GAREM1: variants seen among roughly 807,000 people sequenced by gnomAD.
GAREM1 encodes the protein GRB2-associated and regulator of MAPK protein 1.
In GAREM1, 26 loss-of-function variants were observed where a neutral mutation model predicts 71.3. The observed-to-expected ratio is 0.36, with a 90% confidence interval of 0.27 to 0.51. The LOEUF (loss-of-function observed/expected upper bound fraction) is 0.51. Ranked by LOEUF, GAREM1 falls within the 20% of genes least tolerant of loss-of-function variation. GAREM1 has a pLI of 0.95. For synonymous variants in GAREM1, 440 were observed against 433.2 expected, an observed-to-expected ratio of 1.02 and a Z score of -0.20; for missense variants, 1,026 against 1,103.1, an observed-to-expected ratio of 0.93 and a Z score of 0.99.
intron 1 of GAREM1, among the ~76,000 whole-genome samples, chr18:32,459,196 G>A (rs1162934217): frequency 6.6e-6 from 1 of 152,056 alleles, no homozygotes; most frequent in African/African-American, 2.4e-5. Flanking sequence ...TCCCATGCCT[G>A]CATAATAGCA....
chr18:32,299,293 T>C (rs951640079), intron 3 of GAREM1, among the ~76,000 whole-genome samples: 1 of 151,908 alleles, frequency 6.6e-6, no homozygotes, highest in African/African-American at 2.4e-5. Flanking sequence ...GGCGGGCGGA[T>C]CACGAGGTCA....
intron 4 of GAREM1, among the ~76,000 whole-genome samples, chr18:32,283,121 C>A (rs541169475): frequency 2.2e-4 from 33 of 152,360 alleles, no homozygotes; most frequent in Non-Finnish European, 3.5e-4. Flanking sequence ...TCAGCTGCAA[C>A]AGTTCTAGGG....
intron 2 of GAREM1, among the ~76,000 whole-genome samples, chr18:32,341,172 C>G (rs1026315287): frequency 9.2e-5 from 14 of 152,106 alleles, no homozygotes; most frequent in African/African-American, 3.1e-4. Context: ...TGTTCCCCAC[C>G]CTGTGTCCAA....
At chr18:32,463,053 T>C (rs2048966743) in intron 1 of GAREM1, among the ~76,000 whole-genome samples, 1 of 151,102 alleles carries the variant, frequency 6.6e-6, no homozygotes, top group South Asian at 2.1e-4. Flanking sequence ...TATCTCAAAA[T>C]AGGTGGAAGA....
intron 2 of GAREM1, among the ~76,000 whole-genome samples, chr18:32,314,888 ATT>A (rs1382724526): frequency 6.6e-6 from 1 of 151,992 alleles, no homozygotes; most frequent in Non-Finnish European, 1.5e-5. Flanking sequence ...CGCCCTGCCA[ATT>A]TTTTTGATTA....
At chr18:32,449,073 A>G (rs2048809618) in intron 1 of GAREM1, among the ~76,000 whole-genome samples, 1 of 152,202 alleles carries the variant, frequency 6.6e-6, no homozygotes, top group South Asian at 2.1e-4. Flanking sequence ...TTTAAAGCAC[A>G]AGATCTAGAA....
At chr18:32,401,652 G>A (rs763224330) in intron 1 of GAREM1, among the ~76,000 whole-genome samples, 9 of 152,240 alleles carry the variant, frequency 5.9e-5, no homozygotes, top group African/African-American at 9.6e-5. Flanking sequence ...TTAATCTGGC[G>A]GAACTCTAAA....
At chr18:32,426,960 A>G (rs952863825) in intron 1 of GAREM1, among the ~76,000 whole-genome samples, 1 of 152,198 alleles carries the variant, frequency 6.6e-6, no homozygotes, top group Non-Finnish European at 1.5e-5. Flanking sequence ...ATATAGTCAT[A>G]TATTTTCATG....
intron 2 of GAREM1, among the ~76,000 whole-genome samples, chr18:32,391,252 C>T (rs759000587): frequency 3.3e-5 from 5 of 152,022 alleles, no homozygotes; most frequent in South Asian, 2.1e-4. Flanking sequence ...AACAGTTAGA[C>T]GACTAATGTA....
At chr18:32,302,200 C>T (rs759524514) in intron 3 of GAREM1, among the ~76,000 whole-genome samples, 6 of 152,162 alleles carry the variant, frequency 3.9e-5, no homozygotes, top group Non-Finnish European at 7.3e-5. Flanking sequence ...GGCTTTGCTG[C>T]TGAGTCATTT....
At chr18:32,422,425 C>T (rs1382810758) in intron 1 of GAREM1, among the ~76,000 whole-genome samples, 1 of 151,818 alleles carries the variant, frequency 6.6e-6, no homozygotes, top group African/African-American at 2.4e-5. Context: ...TTTCTTTTAA[C>T]TGCAGTGACA....
chr18:32,333,806 G>A (rs918908238), intron 2 of GAREM1, among the ~76,000 whole-genome samples: 6 of 152,084 alleles, frequency 3.9e-5, no homozygotes, highest in Non-Finnish European at 8.8e-5. Context: ...CTCAGTTTTG[G>A]AAATAACCTC....
At chr18:32,431,593 A>AGT in intron 1 of GAREM1, among the ~76,000 whole-genome samples, 1 of 152,192 alleles carries the variant, frequency 6.6e-6, no homozygotes, top group Non-Finnish European at 1.5e-5. Flanking sequence ...ACGCCACTGC[A>AGT]CTCCAGCCTA....
At chr18:32,375,278 C>T (rs908716414) in intron 2 of GAREM1, among the ~76,000 whole-genome samples, 3 of 152,058 alleles carry the variant, frequency 2.0e-5, no homozygotes, top group Admixed American at 2.0e-4. Flanking sequence ...CTAGAATCTA[C>T]CGATTCTACC....
chr18:32,405,646 A>G lies in GAREM1; in HGVS notation c.122-12611T>C, dbSNP rs2048357784. On this transcript the variant is annotated intron_variant, in intron 1 of 5. Coordinates refer to ENST00000269209, the MANE Select transcript of GAREM1 (RefSeq NM_001242409.2). ...GTGCCATGTCATTGAGTTCTAGCCA[A>G]TGATGTATGAACAGAAATGACATTT... is the stretch of plus-strand genomic sequence containing the variant. Among the ~76,000 whole-genome samples the G allele has an allele frequency of 3.3e-5, 5 of 152,296 alleles. No homozygotes were observed. In the South Asian group the frequency reaches 1.0e-3, roughly 32 times the overall value.
At chr18:32,435,622 A>T (rs1466009001) in intron 1 of GAREM1, among the ~76,000 whole-genome samples, 1 of 152,208 alleles carries the variant, frequency 6.6e-6, no homozygotes, top group Non-Finnish European at 1.5e-5. Context: ...AACAATAACA[A>T]TGAGAAATGG....
At chr18:32,422,222 G>C (rs1303568817) in intron 1 of GAREM1, among the ~76,000 whole-genome samples, 1 of 151,692 alleles carries the variant, frequency 6.6e-6, no homozygotes. Flanking sequence ...TCTCGCCTAT[G>C]AGTGAGAACA....
intron 3 of GAREM1, chr18:32,290,197 A>G (rs1194674468): frequency 2.0e-5 from 3 of 151,910 alleles, no homozygotes; most frequent in Non-Finnish European, 4.4e-5. Flanking sequence ...CAGGCCATTT[A>G]TCTTAGCGAC....
Position 32,470,433 on chromosome 18 carries a change from C to T in GAREM1, c.-5G>A. The T allele has an allele frequency of 8.1e-6, 12 of 1,490,606 alleles. No individual in the cohort carries two copies. The highest frequency in any genetic ancestry group is 1.1e-5 in the Non-Finnish European group (12 of 1,113,410). The allele number at this position is 1,490,606 out of a possible 1,614,324, so 92.3% of individuals were successfully genotyped here. The stretch of plus-strand genomic sequence containing the variant: ...CAGCGAGGGCGCCGGGTCCATCTTC[C>T]CCGAAGCCTCCTGTCCCGCGCTCCC... On this transcript the variant is annotated 5_prime_UTR_variant, in exon 1 of 6. Transcript: ENST00000269209. The surrounding 1 kb of genome is among the most constrained non-coding windows in gnomAD (Gnocchi z 4.4).
Sources: gnomAD v4.1 joint callset for allele counts (sites outside exome capture counted in the v4.1 genomes callset) on GRCh38, gnomAD v4.1.1 for gene constraint, Gnocchi (gnomAD v3.1) non-coding constraint, MANE v1.5 for transcripts, NCBI Gene and HGNC (gene_info 2026-07-23, HGNC 2026-07-21) for gene names.